The following PHF20L1 variants were observed in gnomAD, a reference collection of about 807,000 sequenced individuals.
PHF20L1 encodes the protein PHD finger protein 20-like protein 1.
In PHF20L1, 44 loss-of-function variants were observed where a neutral mutation model predicts 125.5. The observed-to-expected ratio is 0.35, with a 90% CI of 0.28 to 0.45. The LOEUF is 0.45. PHF20L1 is among the 20% of genes least tolerant of loss of function. The probability of loss-of-function intolerance (pLI) is 1.00; values close to 1 mark genes in which losing one functional copy is unlikely to be tolerated. For missense variants in PHF20L1, 1,012 were observed against 1,217.2 expected (o/e 0.83, Z 2.51); for synonymous variants, 380 against 403.1 (o/e 0.94, Z 0.69).
At chr8:132,798,882 A>G (rs540245740) in intron 5 of PHF20L1, 22 bp downstream of exon 5, 2 of 1,483,668 alleles carry the variant, frequency 1.3e-6, no homozygotes, top group South Asian at 2.3e-5. Flanking sequence ...CAGTATTCCT[A>G]GCTACCCAAA....
chr8:132,832,951 C>T (rs958147215), intron 15 of PHF20L1, among the ~76,000 whole-genome samples: 2 of 152,040 alleles, frequency 1.3e-5, no homozygotes, highest in South Asian at 2.1e-4. Flanking sequence ...CAGAAGGCCA[C>T]GTCAGCAGTG....
Position 132,845,963 on chromosome 8 carries a change from G to T in PHF20L1, c.*40G>T, listed in dbSNP as rs745416082. The T allele has an allele frequency of 1.3e-6, 2 of 1,547,082 alleles. No individual in the cohort carries two copies. The highest frequency in any genetic ancestry group is 3.5e-5 in the Admixed American group (2 of 57,694). On this transcript the variant is annotated 3_prime_UTR_variant, in exon 21 of 21. Transcript: ENST00000395386. ...TAATGAAAGAATGTGGCTTTCTTCA[G>T]TCAAAGCATTTTTATTATCCACGTG... is the stretch of plus-strand genomic sequence containing the variant.
intron 2 of PHF20L1, among the ~76,000 whole-genome samples, chr8:132,787,312 G>C (rs1264235840): frequency 6.6e-6 from 1 of 151,962 alleles, no homozygotes; most frequent in East Asian, 1.9e-4. Flanking sequence ...GATCTGAAGT[G>C]ATACATTAAT....
intron 2 of PHF20L1, among the ~76,000 whole-genome samples, chr8:132,785,653 A>G (rs1830932737): frequency 6.6e-6 from 1 of 152,162 alleles, no homozygotes; most frequent in South Asian, 2.1e-4. Context: ...ACATAAGAAT[A>G]TACTTCTTAT....
At chr8:132,791,972 C>T (rs1468450260) in intron 2 of PHF20L1, among the ~76,000 whole-genome samples, 1 of 152,178 alleles carries the variant, frequency 6.6e-6, no homozygotes, top group Non-Finnish European at 1.5e-5. Context: ...TTTGAACTCA[C>T]TTAGATACTG....
rs1431754136 is a variant in PHF20L1, at chr8:132,817,402, G to A, written c.1436G>A (p.Arg479His). ...CCCTGTCTCCCTCTTGACTTAAGTC[G>A]TGGTTCAGAAGTTACAGCACCGGTA... ...LGPCLPLDLSRGSEVTAPVAS... is the reference protein window; with the variant it reads ...LGPCLPLDLSHGSEVTAPVAS... Residue 479 changes from arginine (R) to histidine (H), a missense_variant, in exon 12 of 21, where the codon CGT becomes CAT. Physicochemically the swap from Arg to His is conservative, Grantham distance 29 (BLOSUM62 0). This residue lies in a region of PHF20L1 where 320 missense variants were observed against 293.8 expected (regional missense o/e 1.09). Transcript: ENST00000395386. 8.1e-6 allele frequency: 13 copies of A among 1,612,806 alleles called. No homozygotes were observed. Among genetic ancestry groups the A allele is most frequent in the Admixed American group, 3.3e-5 (2 of 59,872 alleles).
chr8:132,838,018 T>A (rs1040034591), intron 17 of PHF20L1: 2 of 461,766 alleles, frequency 4.3e-6, no homozygotes, highest in African/African-American at 3.9e-5. Context: ...TATAGTACAA[T>A]TCATTTCATT....
rs745524107 is a variant in PHF20L1 at position 132,839,465 on chromosome 8, A to G, written c.2270A>G (p.Lys757Arg). Reference sequence around the variant, plus strand: ...AGAATGTGCGGGTTATCATTTTTCAAAGAAAATTATTCTCATCTCAATGCC... The same window carrying G: ...AGAATGTGCGGGTTATCATTTTTCAGAGAAAATTATTCTCATCTCAATGCC... ...NGRMCGLSFF[K>R]ENYSHLNAKK... The change falls in exon 18 of 21, where the codon AAA becomes AGA. Residue 757 changes from lysine (K) to arginine (R), a missense_variant. Lys to Arg is a conservative substitution (Grantham distance 26). Around this residue, in one of 7 missense-constraint regions of PHF20L1, gnomAD observed 55 missense variants for 114.8 expected, o/e 0.48. Transcript: ENST00000395386. The G allele has an allele frequency of 6.2e-7, 1 of 1,613,370 alleles. No individual in the cohort carries two copies. Among genetic ancestry groups the G allele is most frequent in the Non-Finnish European group, 8.5e-7 (1 of 1,179,436 alleles).
chr8:132,776,396 C>A (rs902957200), intron 1 of PHF20L1, among the ~76,000 whole-genome samples: 3 of 152,174 alleles, frequency 2.0e-5, no homozygotes, highest in African/African-American at 7.2e-5. Flanking sequence ...TCGATTTCTA[C>A]ACAAACATTT....
At chr8:132,839,131 C>T (rs1282824122) in intron 17 of PHF20L1, 4 of 428,516 alleles carry the variant, frequency 9.3e-6, no homozygotes, top group Admixed American at 3.6e-5. Flanking sequence ...GCAGTACACT[C>T]AAGGTTCCCT....
At chr8:132,826,829 T>C (rs1163419870) in intron 14 of PHF20L1, 2 of 152,036 alleles carry the variant, frequency 1.3e-5, no homozygotes, top group Non-Finnish European at 2.9e-5. Context: ...GCTATTGATA[T>C]TCTTTGTGTC....
chr8:132,777,643 C>T (rs1280090160), intron 1 of PHF20L1, 149 bp from the exon 2 acceptor site: 3 of 531,064 alleles, frequency 5.6e-6, no homozygotes, highest in Non-Finnish European at 1.0e-5. Flanking sequence ...TGGTAATACT[C>T]CTTCAAATTT....
intron 12 of PHF20L1, chr8:132,818,904 C>T (rs1378939499): frequency 6.6e-6 from 1 of 151,780 alleles, no homozygotes; most frequent in Admixed American, 6.6e-5. Context: ...AAAATATTTA[C>T]ATTTTTCTTT....
intron 1 of PHF20L1, among the ~76,000 whole-genome samples, chr8:132,775,912 C>A (rs527734973): frequency 1.3e-5 from 2 of 152,296 alleles, no homozygotes; most frequent in South Asian, 2.1e-4. Flanking sequence ...CGTGCCACCC[C>A]CTCTCTGTCT....
At chr8:132,811,398 G>A in intron 9 of PHF20L1, 2 of 1,125,616 alleles carry the variant, frequency 1.8e-6, no homozygotes, top group Non-Finnish European at 2.2e-6. Flanking sequence ...GCTTCCAGCT[G>A]GATCACCTTT....
At chr8:132,827,864 G>A (rs1261822609) in intron 14 of PHF20L1, among the ~76,000 whole-genome samples, 2 of 152,010 alleles carry the variant, frequency 1.3e-5, no homozygotes, top group Non-Finnish European at 2.9e-5. Flanking sequence ...TGTAAATAGA[G>A]TCCTAGTAAG....
chr8:132,825,241 A>G, intron 13 of PHF20L1, 23 bp from the exon 14 acceptor site: 1 of 1,593,374 alleles, frequency 6.3e-7, no homozygotes, highest in Non-Finnish European at 8.6e-7. Flanking sequence ...GTGATTGCTA[A>G]AGTATTCACT....
intron 5 of PHF20L1, 59 bp downstream of exon 5, chr8:132,798,919 T>C: frequency 5.1e-6 from 6 of 1,185,060 alleles, no homozygotes; most frequent in East Asian, 2.6e-5. Context: ...CGGTGACTGA[T>C]CAAAATATAT....
intron 9 of PHF20L1, chr8:132,812,263 C>G (rs937840943): frequency 1.0e-6 from 1 of 984,214 alleles, no homozygotes; most frequent in African/African-American, 1.7e-5. Flanking sequence ...TTATGGTATT[C>G]TCAGAATGCG....
Sources: gnomAD v4.1 joint callset for allele counts (sites outside exome capture counted in the v4.1 genomes callset) on GRCh38, gnomAD v4.1.1 for gene constraint, gnomAD v4.1.1 regional missense constraint, MANE v1.5 for transcripts, NCBI Gene and HGNC (gene_info 2026-07-23, HGNC 2026-07-21) for gene names.